The following APBA1 variants were observed in gnomAD, a reference collection of about 807,000 sequenced individuals.
The protein encoded by APBA1 is amyloid-beta A4 precursor protein-binding family A member 1.
APBA1 carries 55 observed loss-of-function variants against 86.6 expected under a neutral mutation model. That is an observed-to-expected ratio of 0.64 (90% CI 0.51 to 0.80). The LOEUF is 0.80. Ranked by LOEUF, APBA1 falls within the 30% of genes least tolerant of loss-of-function variation. The probability of loss-of-function intolerance (pLI) is 0.00; values close to 1 mark genes in which losing one functional copy is unlikely to be tolerated. For missense variants in APBA1, 1,090 were observed against 1,183.0 expected (o/e 0.92, Z 1.15); for synonymous variants, 511 against 493.9 (o/e 1.03, Z -0.46).
At chr9:69,631,752 T>C (rs1010278536) in intron 1 of APBA1, among the ~76,000 whole-genome samples, 29 of 152,220 alleles carry the variant, frequency 1.9e-4, no homozygotes, top group African/African-American at 7.0e-4. Context: ...TCATGTCCTT[T>C]GTAGGAACAT....
intron 1 of APBA1, among the ~76,000 whole-genome samples, chr9:69,547,649 G>T (rs1836719101): frequency 6.6e-6 from 1 of 152,202 alleles, no homozygotes. Context: ...AGAATTTGAG[G>T]CAATTGTATT....
chr9:69,562,493 G>A (rs1836962141), intron 1 of APBA1, among the ~76,000 whole-genome samples: 1 of 151,682 alleles, frequency 6.6e-6, no homozygotes, highest in South Asian at 2.1e-4. Flanking sequence ...TCCTGCCTCA[G>A]CCTCCCCAGT....
At chr9:69,482,137 A>C (rs1422086436) in intron 2 of APBA1, among the ~76,000 whole-genome samples, 4 of 151,982 alleles carry the variant, frequency 2.6e-5, no homozygotes, top group African/African-American at 7.2e-5. Context: ...TAATTAAACT[A>C]AAGAGCTTCT....
intron 2 of APBA1, among the ~76,000 whole-genome samples, chr9:69,500,241 G>T (rs1002743529): frequency 1.3e-5 from 2 of 152,112 alleles, no homozygotes; most frequent in African/African-American, 4.8e-5. Context: ...GGCTACTAAA[G>T]GCCAGCCCCC....
At chr9:69,534,005 A>G (rs1357906494) in intron 1 of APBA1, among the ~76,000 whole-genome samples, 1 of 152,236 alleles carries the variant, frequency 6.6e-6, no homozygotes, top group Non-Finnish European at 1.5e-5. Context: ...ATTATAGAAG[A>G]AAGATCTACT....
At chr9:69,527,622 C>G (rs1048280505) in intron 1 of APBA1, among the ~76,000 whole-genome samples, 1 of 152,080 alleles carries the variant, frequency 6.6e-6, no homozygotes, top group Non-Finnish European at 1.5e-5. Context: ...CTTCCTATTA[C>G]ATTACACTGA....
chr9:69,667,825 AC>A (rs1823871070), intron 1 of APBA1, among the ~76,000 whole-genome samples: 1 of 151,160 alleles, frequency 6.6e-6, no homozygotes, highest in Non-Finnish European at 1.5e-5. Flanking sequence ...CCCTTCCCCC[AC>A]GCCTCCCTTC....
At chr9:69,452,375 C>T in intron 8 of APBA1, 74 bp from the exon 9 acceptor site, 2 of 1,442,982 alleles carry the variant, frequency 1.4e-6, no homozygotes, top group Non-Finnish European at 1.9e-6. Context: ...GCACTTCCCA[C>T]CTGAACAATG....
At chr9:69,523,499 A>ATATATG (rs1836292270) in intron 1 of APBA1, among the ~76,000 whole-genome samples, 5 of 31,138 alleles carry the variant, frequency 1.6e-4, no homozygotes, top group Non-Finnish European at 2.3e-4. Context: ...ATATATATGT[A>ATATATG]TATATATATA....
intron 2 of APBA1, chr9:69,494,212 T>C (rs1835759994): frequency 6.6e-6 from 1 of 152,118 alleles, no homozygotes; most frequent in Admixed American, 6.5e-5. Flanking sequence ...TGGATTCAAG[T>C]AATACCAATG....
At chr9:69,626,806 T>C (rs112705526) in intron 1 of APBA1, among the ~76,000 whole-genome samples, 20 of 151,978 alleles carry the variant, frequency 1.3e-4, no homozygotes, top group African/African-American at 4.3e-4. Flanking sequence ...CAAAAGCCAA[T>C]GGCATCTTGG....
intron 1 of APBA1, among the ~76,000 whole-genome samples, chr9:69,536,050 T>G (rs527739973): frequency 2.4e-4 from 37 of 151,406 alleles, no homozygotes; most frequent in African/African-American, 8.5e-4. Flanking sequence ...TTTTTTGTTT[T>G]TTTTTTTTTG....
At chr9:69,555,331 C>T (rs1056377027) in intron 1 of APBA1, among the ~76,000 whole-genome samples, 1 of 152,166 alleles carries the variant, frequency 6.6e-6, no homozygotes, top group African/African-American at 2.4e-5. Flanking sequence ...CACCCTTCAC[C>T]CTCCCTTGTA....
At chr9:69,527,370 G>T (rs2133902446) in intron 1 of APBA1, among the ~76,000 whole-genome samples, 1 of 152,242 alleles carries the variant, frequency 6.6e-6, no homozygotes, top group African/African-American at 2.4e-5. Context: ...ATTTTGAAAT[G>T]AAGCTGGGTA....
intron 5 of APBA1, among the ~76,000 whole-genome samples, chr9:69,467,334 A>G (rs749397386): frequency 7.2e-5 from 11 of 152,174 alleles, no homozygotes; most frequent in Non-Finnish European, 1.3e-4. Context: ...CTGACCTTAG[A>G]CTAGCCAGGT....
chr9:69,645,002 A>G (rs1823362148), intron 1 of APBA1, among the ~76,000 whole-genome samples: 2 of 151,374 alleles, frequency 1.3e-5, no homozygotes, highest in African/African-American at 2.4e-5. Context: ...AGTGAGTAGA[A>G]GTATGTGTGG....
At chr9:69,487,985 C>T (rs1286534713) in intron 2 of APBA1, among the ~76,000 whole-genome samples, 1 of 152,000 alleles carries the variant, frequency 6.6e-6, no homozygotes, top group Admixed American at 6.5e-5. Context: ...TGCAGAGGTG[C>T]AAATATTGCA....
At chr9:69,537,730 G>A (rs897159209) in intron 1 of APBA1, among the ~76,000 whole-genome samples, 4 of 151,780 alleles carry the variant, frequency 2.6e-5, no homozygotes, top group African/African-American at 9.7e-5. Flanking sequence ...TTTTTCACAA[G>A]CTTATTGGCC....
intron 1 of APBA1, among the ~76,000 whole-genome samples, chr9:69,613,670 C>A (rs900639260): frequency 6.6e-6 from 1 of 152,132 alleles, no homozygotes; most frequent in African/African-American, 2.4e-5. Flanking sequence ...CCTTGAAGGC[C>A]TAGAAAGGCA....
Sources: allele counts gnomAD v4.1 joint callset (sites outside exome capture counted in the v4.1 genomes callset), GRCh38; gene constraint gnomAD v4.1.1; transcripts MANE v1.5; gene names NCBI Gene and HGNC (gene_info 2026-07-23, HGNC 2026-07-21).